DDX10: variants seen among roughly 807,000 people sequenced by gnomAD.
The protein encoded by DDX10 is DEAD-box helicase 10.
DDX10 carries 74 observed loss-of-function variants against 104.3 expected under a neutral mutation model. The ratio of observed to expected loss-of-function variants is 0.71; its 90% CI spans 0.59 to 0.86. DDX10 has a LOEUF of 0.86. Ranked by LOEUF, DDX10 falls within the 40% of genes least tolerant of loss-of-function variation. The pLI, the probability that DDX10 is intolerant of heterozygous loss-of-function variation, is 0.00. For missense variants in DDX10, 952 were observed against 1,040.0 expected, an observed-to-expected ratio of 0.92 and a Z score of 1.16; for synonymous variants, 351 against 353.4, an observed-to-expected ratio of 0.99 and a Z score of 0.08.
At chr11:108,777,173 G>C (rs979307361) in intron 13 of DDX10, among the ~76,000 whole-genome samples, 3 of 152,140 alleles carry the variant, frequency 2.0e-5, no homozygotes, top group African/African-American at 7.2e-5. Context: ...TGCTTATTCT[G>C]TAGTCCTTCA....
chr11:108,737,641 A>G (rs1248254790), intron 13 of DDX10, among the ~76,000 whole-genome samples: 1 of 152,214 alleles, frequency 6.6e-6, no homozygotes, highest in Non-Finnish European at 1.5e-5. Context: ...GATAGATATC[A>G]CTTATTGCAG....
intron 13 of DDX10, among the ~76,000 whole-genome samples, chr11:108,802,079 A>G (rs998060465): frequency 6.6e-6 from 1 of 151,640 alleles, no homozygotes; most frequent in Non-Finnish European, 1.5e-5. Flanking sequence ...ACCCATCACT[A>G]CTTTGTCCAG....
intron 13 of DDX10, among the ~76,000 whole-genome samples, chr11:108,834,187 G>A (rs1182977856): frequency 6.7e-6 from 1 of 148,696 alleles, no homozygotes; most frequent in African/African-American, 2.5e-5. Flanking sequence ...CAGGCTGGTC[G>A]TGAACTCCTG....
chr11:108,831,583 T>G (rs1242535304), intron 13 of DDX10, among the ~76,000 whole-genome samples: 1 of 152,116 alleles, frequency 6.6e-6, no homozygotes, highest in East Asian at 1.9e-4. Context: ...AATTATTAGT[T>G]GGCCCAAATG....
chr11:108,716,102 ATTT>A, intron 11 of DDX10, 136 bp downstream of exon 11: 1 of 510,462 alleles, frequency 2.0e-6, no homozygotes, highest in Non-Finnish European at 3.6e-6. Context: ...AGTCTAGCTT[ATTT>A]TTTTTTTTGA....
chr11:108,870,193 CCTG>C (rs1163771804), intron 16 of DDX10, among the ~76,000 whole-genome samples: 1 of 152,122 alleles, frequency 6.6e-6, no homozygotes, highest in Non-Finnish European at 1.5e-5. Context: ...TTTTAACACT[CCTG>C]CTATCCCTAT....
At chr11:108,922,380 T>G (rs1863846617) in intron 17 of DDX10, 1 of 152,126 alleles carries the variant, frequency 6.6e-6, no homozygotes, top group Non-Finnish European at 1.5e-5. Flanking sequence ...TAAACTAGCA[T>G]GAGCGAGTTT....
intron 17 of DDX10, 62 bp downstream of exon 17, chr11:108,918,080 A>G (rs765633600): frequency 6.7e-7 from 1 of 1,496,570 alleles, no homozygotes; most frequent in Non-Finnish European, 9.3e-7. Flanking sequence ...CTTTTAATGA[A>G]TCCAAAAGAC....
chr11:108,749,086 C>A (rs151183684), intron 13 of DDX10, among the ~76,000 whole-genome samples: 9,320 of 150,760 alleles, frequency 0.062, 330 homozygotes, highest in East Asian at 0.13. Context: ...CTCTCTCTCT[C>A]TATATATATA....
chr11:108,717,652 GCTAA>G (rs2094293258), intron 11 of DDX10, among the ~76,000 whole-genome samples: 1 of 152,060 alleles, frequency 6.6e-6, no homozygotes, highest in African/African-American at 2.4e-5. Flanking sequence ...TAAATTTTTT[GCTAA>G]CTTATTTTAT....
chr11:108,810,143 G>T (rs377508023), intron 13 of DDX10, among the ~76,000 whole-genome samples: 1 of 152,148 alleles, frequency 6.6e-6, no homozygotes, highest in African/African-American at 2.4e-5. Context: ...TTCACTACAA[G>T]TATAATATAA....
chr11:108,846,184 A>AT (rs1173348469), intron 15 of DDX10, among the ~76,000 whole-genome samples: 16 of 152,312 alleles, frequency 1.1e-4, no homozygotes, highest in African/African-American at 3.9e-4. Flanking sequence ...GAGATATGTC[A>AT]TTACATGTAT....
intron 13 of DDX10, 163 bp from the exon 14 acceptor site, chr11:108,838,283 A>G: frequency 4.4e-6 from 3 of 677,112 alleles, no homozygotes; most frequent in South Asian, 2.7e-5. Context: ...TTCTTAGTTA[A>G]TAAGTCAAAT....
chr11:108,818,628 CATTT>C (rs1445157829), intron 13 of DDX10, among the ~76,000 whole-genome samples: 1 of 152,052 alleles, frequency 6.6e-6, no homozygotes, highest in Admixed American at 6.6e-5. Flanking sequence ...TTTAATGTTT[CATTT>C]ATTAGTGAGT....
intron 1 of DDX10, among the ~76,000 whole-genome samples, chr11:108,671,407 G>T (rs1441006339): frequency 1.3e-5 from 2 of 152,298 alleles, no homozygotes; most frequent in South Asian, 4.1e-4. Flanking sequence ...CAGGTGATCC[G>T]CCTGCCTTGG....
intron 13 of DDX10, among the ~76,000 whole-genome samples, chr11:108,772,331 C>T (rs1435567757): frequency 6.6e-6 from 1 of 152,140 alleles, no homozygotes; most frequent in East Asian, 1.9e-4. Flanking sequence ...TAGGCAGGCT[C>T]TAAACCTAAT....
chr11:108,728,893 A>C (rs368969317), intron 13 of DDX10, among the ~76,000 whole-genome samples: 2 of 152,088 alleles, frequency 1.3e-5, no homozygotes, highest in African/African-American at 2.4e-5. Flanking sequence ...TGTCTTCGCA[A>C]ATATTTTTAT....
chr11:108,909,649 T>C (rs1019402794), intron 16 of DDX10, among the ~76,000 whole-genome samples: 2 of 152,180 alleles, frequency 1.3e-5, no homozygotes, highest in Admixed American at 1.3e-4. Flanking sequence ...GAATTTGTAG[T>C]CTACTGGCCA....
At chr11:108,695,642 A>G (rs1046276010) in intron 9 of DDX10, among the ~76,000 whole-genome samples, 4 of 152,056 alleles carry the variant, frequency 2.6e-5, no homozygotes, top group African/African-American at 7.2e-5. Context: ...TTATGTGGTC[A>G]CTTTTTGTTT....
Sources: gnomAD v4.1 joint callset for allele counts (sites outside exome capture counted in the v4.1 genomes callset) on GRCh38, gnomAD v4.1.1 for gene constraint, MANE v1.5 for transcripts, NCBI Gene and HGNC (gene_info 2026-07-23, HGNC 2026-07-21) for gene names.